The following ZDHHC23 variants were observed in gnomAD, a reference collection of about 807,000 sequenced individuals.
ZDHHC23 encodes the protein zDHHC palmitoyltransferase 23.
A neutral mutation model predicts 40.2 loss-of-function variants in ZDHHC23; 41 were observed. That is an observed-to-expected ratio of 1.02 (90% CI 0.79 to 1.32). The LOEUF (loss-of-function observed/expected upper bound fraction) is 1.32, where lower values mean the gene tolerates loss of function less well. Among genes scored for constraint, ZDHHC23 ranks in the 40% most tolerant of loss-of-function variants. The pLI is 0.00. For synonymous variants in ZDHHC23, 204 were observed against 210.2 expected (o/e 0.97, Z 0.26); for missense variants, 471 against 541.5 (o/e 0.87, Z 1.29).
the ZDHHC23 span, chr3:113,978,180 C>G: frequency 6.2e-7 from 1 of 1,613,882 alleles, no homozygotes; most frequent in Non-Finnish European, 8.5e-7. Context: ...ACTATCAAAA[C>G]CTCACCTGTC....
chr3:113,958,765 G>C lies in ZDHHC23; in HGVS notation c.*135G>C. On this transcript the variant is annotated 3_prime_UTR_variant, in exon 5 of 5. Coordinates refer to ENST00000638807, the MANE Select transcript of ZDHHC23 (RefSeq NM_001320466.2). ...GCCATGCTCAGGTTTAGAGACTGGA[G>C]TGGGAAGAAGTTAATTTTTCTGACG... 6.4e-7 allele frequency: 1 copy of C among 1,560,212 alleles called. No homozygotes were observed. The highest frequency in any genetic ancestry group is 8.6e-7 in the Non-Finnish European group (1 of 1,156,458).
chr3:113,958,877 A>C lies in ZDHHC23; in HGVS notation c.*247A>C. On this transcript the variant is annotated 3_prime_UTR_variant, in exon 5 of 5. Coordinates refer to ENST00000638807, the MANE Select transcript of ZDHHC23 (RefSeq NM_001320466.2). Reference sequence around the variant, plus strand: ...CTTTTTAATTGACTCAGTTGCCTGAACTTGAGAAGGATGTGGATTGCTAAT... The same window carrying C: ...CTTTTTAATTGACTCAGTTGCCTGACCTTGAGAAGGATGTGGATTGCTAAT... 1 of 1,316,248 alleles carries C rather than the reference A, an allele frequency of 7.6e-7. No homozygotes were observed. Among genetic ancestry groups the C allele is most frequent in the Non-Finnish European group, 9.9e-7 (1 of 1,010,904 alleles). The allele number at this position is 1,316,248 out of a possible 1,614,324, so 81.5% of individuals were successfully genotyped here.
At position 113,956,391 on chromosome 3, in the gene ZDHHC23, T is replaced by C; in HGVS notation, c.925T>C (p.Leu309=). ...TCATCAAGCATTTATACTTGCCCTTTTGATCTTCTTGCTCACCTCGGTGTA... is the reference window on the plus strand; with the variant it reads ...TCATCAAGCATTTATACTTGCCCTTCTGATCTTCTTGCTCACCTCGGTGTA... ...SNHQAFILAL[L]IFLLTSVYGI... Residue 309 remains leucine, a synonymous_variant, in exon 4 of 5, where the codon TTG becomes CTG. Transcript: ENST00000638807. The C allele has an allele frequency of 6.2e-7, 1 of 1,614,272 alleles. No homozygotes were observed.
rs1490314091 is a variant in ZDHHC23 at position 113,960,057 on chromosome 3, T to C, written c.*1427T>C. ...TGCAATCCCAAAGATAATTCATGAC[T>C]CCTTAAATTTGCCTTGGCTTATAGC... On this transcript the variant is annotated 3_prime_UTR_variant, in exon 5 of 5. Coordinates refer to ENST00000638807, the MANE Select transcript of ZDHHC23 (RefSeq NM_001320466.2). The C allele has an allele frequency of 1.0e-6, 1 of 989,198 alleles. No individual in the cohort carries two copies. The highest frequency in any genetic ancestry group is 1.7e-5 in the African/African-American group (1 of 57,270). 61.3% of individuals were successfully genotyped at this position (989,198 alleles called of 1,614,324 possible). A position where few individuals can be genotyped will look rare whatever the true frequency, so the allele number is the denominator to read the frequency against.
At chr3:113,955,681 A>C (rs1358770584) in intron 3 of ZDHHC23, among the ~76,000 whole-genome samples, 3 of 152,122 alleles carry the variant, frequency 2.0e-5, no homozygotes, top group African/African-American at 7.2e-5. Flanking sequence ...AGCATTTTTA[A>C]GTTTTCATAA....
Position 113,958,926 on chromosome 3 carries a change from C to T in ZDHHC23, c.*296C>T. ...ATGCACAAATTGATAGAAGCAATTC[C>T]CATCCATTAGTATGGAGGAAAGAGT... is the stretch of plus-strand genomic sequence containing the variant. On this transcript the variant is annotated 3_prime_UTR_variant, in exon 5 of 5. Coordinates refer to ENST00000638807, the MANE Select transcript of ZDHHC23 (RefSeq NM_001320466.2). 2 of 1,232,210 alleles carry T rather than the reference C, an allele frequency of 1.6e-6. No individual in the cohort carries two copies. The highest frequency in any genetic ancestry group is 2.1e-6 in the Non-Finnish European group (2 of 965,580). 76.3% of individuals were successfully genotyped at this position (1,232,210 alleles called of 1,614,324 possible).
chr3:113,965,517 GT>G, downstream of ZDHHC23: 1 of 413,140 alleles, frequency 2.4e-6, no homozygotes, highest in East Asian at 3.6e-5. Flanking sequence ...GTGAAATGCT[GT>G]GAAAAAAATA....
At chr3:113,975,100 G>T in the ZDHHC23 span, among the ~76,000 whole-genome samples, 3 of 152,108 alleles carry the variant, frequency 2.0e-5, no homozygotes, top group Non-Finnish European at 2.9e-5. Context: ...ATTTTCTGGG[G>T]TGTAGGTCTG....
intron 4 of ZDHHC23, chr3:113,957,881 C>T (rs777552477): frequency 1.6e-5 from 8 of 505,840 alleles, no homozygotes; most frequent in Middle Eastern, 3.3e-4. Context: ...GGTTGGGAGT[C>T]GTCCATCGTC....
In ZDHHC23 at chr3:113,958,554, G is replaced by T; in HGVS notation, c.1232G>T (p.Gly411Val). Residue 411 changes from glycine to valine, a missense_variant, in exon 5 of 5, where the codon GGC becomes GTC. By Grantham distance (109) the Gly-to-Val change is moderately radical. Around this residue, in one of 3 missense-constraint regions of ZDHHC23, gnomAD observed 346 missense variants for 399.8 expected, o/e 0.87. Transcript: ENST00000638807. The part of the protein sequence containing the change: ...LIVDTGQYNR[G>V]FLRNWHQFST... ...GTGGACACAGGCCAGTACAATAGGG[G>T]CTTCCTGCGGAACTGGCACCAGTTC... 2 of 1,611,712 alleles carry T rather than the reference G, an allele frequency of 1.2e-6. No homozygotes were observed. Among genetic ancestry groups the T allele is most frequent in the Non-Finnish European group, 1.7e-6 (2 of 1,180,004 alleles).
At position 113,961,706 on chromosome 3, in the gene ZDHHC23, A is replaced by C. The variant is rs1451323079; in HGVS notation, c.*3076A>C. On this transcript the variant is annotated 3_prime_UTR_variant, in exon 5 of 5. Coordinates refer to ENST00000638807, the MANE Select transcript of ZDHHC23 (RefSeq NM_001320466.2). The stretch of plus-strand genomic sequence containing the variant: ...AAGTGTACCATCTGCCTAGCAAAAA[A>C]TTGCTACAAACTTTCTCTTATGCAA... 2 of 152,660 alleles carry C rather than the reference A, an allele frequency of 1.3e-5. No homozygotes were observed. Among genetic ancestry groups the C allele is most frequent in the Admixed American group, 6.5e-5 (1 of 15,286 alleles). 9.5% of individuals were successfully genotyped at this position (152,660 alleles called of 1,614,324 possible). A position where few individuals can be genotyped will look rare whatever the true frequency, so the allele number is the denominator to read the frequency against.
chr3:113,958,503 G>C lies in ZDHHC23; in HGVS notation c.1181G>C (p.Gly394Ala). The C allele has an allele frequency of 1.2e-6, 2 of 1,614,006 alleles. No individual in the cohort carries two copies. Among genetic ancestry groups the C allele is most frequent in the Non-Finnish European group, 1.7e-6 (2 of 1,180,044 alleles). ...EVQQALRQKT[G>A]RRLLCGLIVD... is the part of the protein sequence containing the mutation. ...CAGCAGGCCCTCCGACAGAAGACTG[G>C]GCGCCGGCTCCTCTGCGGGCTCATC... Residue 394 changes from glycine (G) to alanine (A), a missense_variant, in exon 5 of 5, where the codon GGG becomes GCG. Physicochemically the swap from Gly to Ala is moderately conservative, Grantham distance 60. Coordinates refer to ENST00000638807, the MANE Select transcript of ZDHHC23 (RefSeq NM_001320466.2).
At chr3:113,972,677 C>T in the ZDHHC23 span, among the ~76,000 whole-genome samples, 1 of 152,024 alleles carries the variant, frequency 6.6e-6, no homozygotes, top group East Asian at 1.9e-4. Context: ...TGTTGAAGTC[C>T]CCTATGATTG....
At chr3:113,978,822 GAGATGTATTTA>G in the ZDHHC23 span, 3 of 1,588,018 alleles carry the variant, frequency 1.9e-6, no homozygotes, top group Non-Finnish European at 1.7e-6. Flanking sequence ...ATTGAGCAAT[GAGATGTATTTA>G]AGGTACCCTT....
In ZDHHC23 at chr3:113,954,914, ACTCT is replaced by A. The variant is rs993137505; in HGVS notation, c.872+507_872+510del. Among the ~76,000 whole-genome samples the A allele has an allele frequency of 1.7e-4, 26 of 151,930 alleles. 1 individual carries two copies. Among genetic ancestry groups the A allele is most frequent in the African/African-American group, 5.6e-4 (23 of 41,434 alleles). On this transcript the variant is annotated intron_variant, in intron 3 of 4. Transcript: ENST00000638807. Reference sequence around the variant, plus strand: ...ATTGAATCGAGGTCCCACCAGATAAACTCTCTATTTGATTATTTGCAGAGAAATG... The same window carrying A: ...ATTGAATCGAGGTCCCACCAGATAAACTATTTGATTATTTGCAGAGAAATG...
chr3:113,950,243 C>T (rs1446919650), intron 2 of ZDHHC23, among the ~76,000 whole-genome samples: 1 of 152,224 alleles, frequency 6.6e-6, no homozygotes, highest in African/African-American at 2.4e-5. Flanking sequence ...TTAAACTCTA[C>T]CTTTTCTTAC....
rs775304746 is a variant in ZDHHC23 at position 113,956,429 on chromosome 3, G to A, written c.963G>A (p.Leu321=). Residue 321 remains leucine (L), a synonymous_variant, in exon 4 of 5, where the codon CTG becomes CTA. Coordinates refer to ENST00000638807, the MANE Select transcript of ZDHHC23 (RefSeq NM_001320466.2). ...FLLTSVYGIT[L]TLDTICRDRS... The stretch of plus-strand genomic sequence containing the variant: ...TCACCTCGGTGTATGGGATCACACT[G>A]ACCTTGGACACCATTTGTAGAGACA... 8 of 1,614,178 alleles carry A rather than the reference G, an allele frequency of 5.0e-6. No individual in the cohort carries two copies. The South Asian group carries it at 8.8e-5, about 18-fold the overall frequency.
chr3:113,967,130 G>A (rs548997043), downstream of ZDHHC23, among the ~76,000 whole-genome samples: 1 of 151,870 alleles, frequency 6.6e-6, no homozygotes, highest in African/African-American at 2.4e-5. Flanking sequence ...AAAGAAAAAG[G>A]CTCCAAGGAA....
the ZDHHC23 span, among the ~76,000 whole-genome samples, chr3:113,976,469 G>GA: frequency 6.6e-6 from 1 of 151,966 alleles, no homozygotes; most frequent in Non-Finnish European, 1.5e-5. Flanking sequence ...CTGAAAAATG[G>GA]AAATAATGAC....
Sources: gnomAD v4.1 joint callset for allele counts (sites outside exome capture counted in the v4.1 genomes callset) on GRCh38, gnomAD v4.1.1 for gene constraint, gnomAD v4.1.1 regional missense constraint, MANE v1.5 for transcripts, NCBI Gene and HGNC (gene_info 2026-07-23, HGNC 2026-07-21) for gene names.